ZPBP: variants seen among roughly 807,000 people sequenced by gnomAD.
ZPBP encodes zona pellucida binding protein.
A neutral mutation model predicts 44.8 loss-of-function variants in ZPBP; 26 were observed. That is an observed-to-expected ratio of 0.58 (90% CI 0.43 to 0.81). ZPBP has a LOEUF of 0.81. Ranked by LOEUF, ZPBP falls within the 30% of genes least tolerant of loss-of-function variation. ZPBP has a pLI of 0.00. For synonymous variants in ZPBP, 174 were observed against 153.2 expected, an observed-to-expected ratio of 1.14 and a Z score of -1.00; for missense variants, 409 against 434.0, an observed-to-expected ratio of 0.94 and a Z score of 0.51.
chr7:49,868,854 A>G (rs1416737476), intron 2 of ZPBP, among the ~76,000 whole-genome samples: 1 of 152,108 alleles, frequency 6.6e-6, no homozygotes, highest in Non-Finnish European at 1.5e-5. Flanking sequence ...CCTAACCTCA[A>G]GTGATCCACC....
intron 2 of ZPBP, among the ~76,000 whole-genome samples, chr7:49,871,746 T>A (rs1007978298): frequency 2.0e-5 from 3 of 151,646 alleles, no homozygotes; most frequent in Admixed American, 6.6e-5. Flanking sequence ...AACAAATAAA[T>A]GGTTTGTTTT....
chr7:49,926,512 C>T (rs1794238191), intron 1 of ZPBP, among the ~76,000 whole-genome samples: 1 of 152,180 alleles, frequency 6.6e-6, no homozygotes, highest in African/African-American at 2.4e-5. Context: ...TCCTTGGTGG[C>T]ACCCTTGTCT....
intron 6 of ZPBP, among the ~76,000 whole-genome samples, chr7:49,989,627 A>G (rs1201474148): frequency 6.6e-6 from 1 of 152,240 alleles, no homozygotes; most frequent in Non-Finnish European, 1.5e-5. Context: ...TACATTTGTC[A>G]TCAAAATCTA....
At chr7:49,888,030 G>A (rs892713435) in intron 2 of ZPBP, among the ~76,000 whole-genome samples, 20 of 152,308 alleles carry the variant, frequency 1.3e-4, no homozygotes, top group African/African-American at 4.8e-4. Flanking sequence ...TGTTGCTAGA[G>A]GCAGGCTCAT....
chr7:49,888,539 T>A (rs1345272515), intron 2 of ZPBP, among the ~76,000 whole-genome samples: 1 of 152,190 alleles, frequency 6.6e-6, no homozygotes, highest in Non-Finnish European at 1.5e-5. Flanking sequence ...GGCTTCAGTA[T>A]CTGAGATCAT....
downstream of ZPBP, among the ~76,000 whole-genome samples, chr7:49,845,660 C>T (rs927374884): frequency 4.0e-4 from 60 of 151,224 alleles, no homozygotes; most frequent in African/African-American, 1.2e-3. Flanking sequence ...TACCAACCTT[C>T]GGTGATACTT....
chr7:49,914,095 G>A (rs940756416), intron 1 of ZPBP: 1 of 152,166 alleles, frequency 6.6e-6, no homozygotes, highest in African/African-American at 2.4e-5. Flanking sequence ...TTTATTCAAG[G>A]ATGGATTGTT....
chr7:49,884,486 G>C (rs1009271359), intron 2 of ZPBP, among the ~76,000 whole-genome samples: 1 of 152,164 alleles, frequency 6.6e-6, no homozygotes, highest in Non-Finnish European at 1.5e-5. Flanking sequence ...AAGTCATCCT[G>C]ATGGATGAGG....
At chr7:50,032,577 G>C (rs6946345) in intron 4 of ZPBP, among the ~76,000 whole-genome samples, 37,420 of 152,112 alleles carry the variant, frequency 0.25, 5,693 homozygotes, top group Non-Finnish European at 0.35. Context: ...GTGCCTAAAA[G>C]AGTTAACGTT....
At chr7:50,091,755 G>A (rs890089818) in intron 1 of ZPBP, among the ~76,000 whole-genome samples, 2 of 152,126 alleles carry the variant, frequency 1.3e-5, no homozygotes, top group Non-Finnish European at 2.9e-5. Flanking sequence ...TGTTAAATGA[G>A]CAAATGTGAT....
In ZPBP at chr7:50,093,186, G is replaced by A. The variant is rs775366596; in HGVS notation, c.9C>T (p.Ala3=). The change falls in exon 1 of 8, where the codon GCC becomes GCT. Residue 3 remains alanine, a synonymous_variant. Transcript: ENST00000046087. ME[A]FALGPARRGR... is the part of the protein sequence containing the mutation. ...CCCGCCGCGCTGGGCCAAGGGCGAA[G>A]GCCTCCATCCACACGCCGCCGTCGC... 3.9e-6 allele frequency: 6 copies of A among 1,529,342 alleles called. No individual in the cohort carries two copies. Among genetic ancestry groups the A allele is most frequent in the Admixed American group, 4.1e-5 (2 of 49,294 alleles). The allele number at this position is 1,529,342 out of a possible 1,614,324, so 94.7% of individuals were successfully genotyped here. A position where few individuals can be genotyped will look rare whatever the true frequency, so the allele number is the denominator to read the frequency against.
intron 2 of ZPBP, among the ~76,000 whole-genome samples, chr7:49,877,513 T>G (rs1436522334): frequency 9.9e-6 from 1 of 100,986 alleles, no homozygotes; most frequent in African/African-American, 3.6e-5. Context: ...TATATATATA[T>G]ATATAGTTAT....
At chr7:49,940,729 C>A (rs1794841063) in intron 7 of ZPBP, 8 of 984,882 alleles carry the variant, frequency 8.1e-6, no homozygotes, top group Non-Finnish European at 8.4e-6. Flanking sequence ...TGTCCCACCT[C>A]CTTCCCCATG....
intron 1 of ZPBP, among the ~76,000 whole-genome samples, chr7:49,905,307 C>G (rs950637260): frequency 6.6e-6 from 1 of 152,200 alleles, no homozygotes; most frequent in Non-Finnish European, 1.5e-5. Context: ...CCATTCATCA[C>G]TCAGCCATCT....
At chr7:49,866,031 T>C (rs1164653246) in intron 2 of ZPBP, among the ~76,000 whole-genome samples, 1 of 152,202 alleles carries the variant, frequency 6.6e-6, no homozygotes, top group Non-Finnish European at 1.5e-5. Flanking sequence ...TTTTTTAAAT[T>C]TTCTTCCTTC....
At chr7:50,085,690 C>T (rs542767770) in intron 2 of ZPBP, among the ~76,000 whole-genome samples, 20 of 152,178 alleles carry the variant, frequency 1.3e-4, no homozygotes, top group Admixed American at 2.0e-4. Flanking sequence ...CAAAAGAATT[C>T]GTTAAAAACA....
chr7:50,086,378 C>A (rs1802651233), intron 2 of ZPBP, among the ~76,000 whole-genome samples: 1 of 151,722 alleles, frequency 6.6e-6, no homozygotes, highest in Admixed American at 6.6e-5. Context: ...CAAGGAAGGC[C>A]AAATATTGGA....
chr7:49,994,674 G>A (rs6583407), intron 6 of ZPBP, among the ~76,000 whole-genome samples: 124,525 of 152,120 alleles, frequency 0.82, 51,075 homozygotes, highest in East Asian at 0.92. Context: ...GCCTTCCTCC[G>A]AAATTCTAAA....
At chr7:49,853,132 G>A (rs1790263310) in intron 2 of ZPBP, among the ~76,000 whole-genome samples, 1 of 152,248 alleles carries the variant, frequency 6.6e-6, no homozygotes, top group Non-Finnish European at 1.5e-5. Context: ...CAGGGCTGCG[G>A]GCTCTGAACA....
Sources: allele counts gnomAD v4.1 joint callset (sites outside exome capture counted in the v4.1 genomes callset), GRCh38; gene constraint gnomAD v4.1.1; transcripts MANE v1.5; gene names NCBI Gene and HGNC (gene_info 2026-07-23, HGNC 2026-07-21).